The following M1AP variants were observed in gnomAD, a reference collection of about 807,000 sequenced individuals.
M1AP encodes meiosis 1 associated protein, also known as meiosis 1 arrest protein.
A neutral mutation model predicts 51.2 loss-of-function variants in M1AP; 39 were observed. The observed-to-expected ratio is 0.76, with a 90% confidence interval of 0.59 to 1.00. The LOEUF is 1.00. Among genes scored for constraint, M1AP ranks in the 50% least tolerant of loss-of-function variants. The pLI, the probability that M1AP is intolerant of heterozygous loss-of-function variation, is 0.00. For missense variants in M1AP, 545 were observed against 641.2 expected (o/e 0.85, Z 1.62); for synonymous variants, 251 against 249.2 (o/e 1.01, Z -0.07).
In M1AP at chr2:74,562,309, CCAG is replaced by C; in HGVS notation, c.1186_1188del (p.Leu396del). ...AGTTCCCGCGTGGCCACCGCCTTTACCAGCAGTGTGAGGGAGTGTGACGGCATG... is the reference window on the plus strand; with the variant it reads ...AGTTCCCGCGTGGCCACCGCCTTTACCAGTGTGAGGGAGTGTGACGGCATG... On this transcript the variant is annotated inframe_deletion, in exon 8 of 11. Coordinates refer to ENST00000421985, the MANE Select transcript of M1AP (RefSeq NM_001321739.2). The C allele has an allele frequency of 6.2e-7, 1 of 1,614,246 alleles. No homozygotes were observed. Among genetic ancestry groups the C allele is most frequent in the South Asian group, 1.1e-5 (1 of 91,090 alleles).
Position 74,607,057 on chromosome 2 carries a change from T to C in M1AP, c.593A>G (p.Asp198Gly). The change falls in exon 4 of 11, where the codon GAT (aspartate) becomes GGT (glycine). Residue 198 changes from aspartate to glycine, a missense_variant and splice_region_variant. Physicochemically the swap from Asp to Gly is moderately conservative, Grantham distance 94. Coordinates refer to ENST00000421985, the MANE Select transcript of M1AP (RefSeq NM_001321739.2). ...SASPVEDTSN[D>G]ESSILGTDID... Reference sequence around the variant, plus strand: ...TTACCTTGTTAAAAAATTCTTACCATCATTGCTGGTATCCTCAACAGGAGA... The same window carrying C: ...TTACCTTGTTAAAAAATTCTTACCACCATTGCTGGTATCCTCAACAGGAGA... 1 of 1,611,698 alleles carries C rather than the reference T, an allele frequency of 6.2e-7. No individual in the cohort carries two copies. The highest frequency in any genetic ancestry group is 1.1e-5 in the South Asian group (1 of 90,668).
intron 4 of M1AP, among the ~76,000 whole-genome samples, chr2:74,603,151 C>A (rs976732892): frequency 3.9e-5 from 6 of 152,094 alleles, no homozygotes; most frequent in African/African-American, 1.4e-4. Flanking sequence ...ATTCTGTGAC[C>A]AGGAAGGTGG....
At position 74,560,140 on chromosome 2, in the gene M1AP, G is replaced by A; in HGVS notation, c.1422+11C>T. On this transcript the variant is annotated intron_variant, in intron 9 of 10. Transcript: ENST00000421985. Reference sequence around the variant, plus strand: ...GAAGTAAGGAAGAGGAGGGAAGGAGGGGAGCGGTACCTTTCTCGGAGCTCG... The same window carrying A: ...GAAGTAAGGAAGAGGAGGGAAGGAGAGGAGCGGTACCTTTCTCGGAGCTCG... 3.1e-6 allele frequency: 5 copies of A among 1,613,256 alleles called. No individual in the cohort carries two copies. The highest frequency in any genetic ancestry group is 4.2e-6 in the Non-Finnish European group (5 of 1,179,862).
intron 4 of M1AP, among the ~76,000 whole-genome samples, chr2:74,595,296 T>G (rs1179651958): frequency 1.3e-5 from 2 of 151,556 alleles, no homozygotes; most frequent in Non-Finnish European, 2.9e-5. Context: ...ATTACAGGTA[T>G]AAGCCACCAT....
At chr2:74,589,155 G>A (rs1679892484) in intron 4 of M1AP, among the ~76,000 whole-genome samples, 1 of 152,232 alleles carries the variant, frequency 6.6e-6, no homozygotes. Flanking sequence ...AAACTTGAAT[G>A]ACGTGAAGTG....
intron 2 of M1AP, among the ~76,000 whole-genome samples, chr2:74,624,329 T>C (rs1356544198): frequency 6.6e-6 from 1 of 152,226 alleles, no homozygotes; most frequent in Non-Finnish European, 1.5e-5. Flanking sequence ...CCTAGAACAC[T>C]TGAGTATGGC....
intron 1 of M1AP, among the ~76,000 whole-genome samples, chr2:74,640,696 T>A (rs562582000): frequency 6.6e-6 from 1 of 152,048 alleles, no homozygotes; most frequent in South Asian, 2.1e-4. Context: ...GACCTCACGA[T>A]CCGCCCGCCT....
chr2:74,639,929 A>C, intron 2 of M1AP, 107 bp downstream of exon 2: 1 of 953,132 alleles, frequency 1.0e-6, no homozygotes. Flanking sequence ...TGTGTGGAGA[A>C]GTAGTGCGGT....
chr2:74,598,851 G>A (rs1680508103), intron 4 of M1AP, among the ~76,000 whole-genome samples: 1 of 151,654 alleles, frequency 6.6e-6, no homozygotes, highest in Non-Finnish European at 1.5e-5. Context: ...TGAACTCCTG[G>A]GCTCAAGTGA....
At chr2:74,587,318 C>T (rs373320656) in intron 4 of M1AP, among the ~76,000 whole-genome samples, 2 of 152,020 alleles carry the variant, frequency 1.3e-5, no homozygotes, top group South Asian at 4.2e-4. Context: ...CCTGCCTCAG[C>T]CTCCCGAGTA....
At chr2:74,623,054 T>A (rs1682161063) in intron 2 of M1AP, among the ~76,000 whole-genome samples, 1 of 150,580 alleles carries the variant, frequency 6.6e-6, no homozygotes, top group Admixed American at 6.6e-5. Flanking sequence ...ATAATCAGAA[T>A]AATCTTAATA....
intron 4 of M1AP, among the ~76,000 whole-genome samples, chr2:74,600,823 T>C (rs1680630486): frequency 6.6e-6 from 1 of 152,156 alleles, no homozygotes; most frequent in Non-Finnish European, 1.5e-5. Flanking sequence ...TGAGCAGCAA[T>C]GTGCAAAAAT....
intron 7 of M1AP, among the ~76,000 whole-genome samples, chr2:74,567,433 T>C (rs561685692): frequency 1.3e-5 from 2 of 152,354 alleles, no homozygotes; most frequent in South Asian, 2.1e-4. Flanking sequence ...ATAAATTTCA[T>C]GTAGCTGTAG....
At chr2:74,640,899 C>T (rs1450700115) in intron 1 of M1AP, among the ~76,000 whole-genome samples, 1 of 152,178 alleles carries the variant, frequency 6.6e-6, no homozygotes, top group Non-Finnish European at 1.5e-5. Flanking sequence ...AGCTATCTGC[C>T]CTCATAAACT....
intron 2 of M1AP, among the ~76,000 whole-genome samples, chr2:74,616,828 A>T (rs1165601234): frequency 6.6e-6 from 1 of 152,236 alleles, no homozygotes; most frequent in Non-Finnish European, 1.5e-5. Context: ...TCTTAATGGC[A>T]TGGACAAGCT....
chr2:74,613,968 G>A (rs1417121811), intron 3 of M1AP, among the ~76,000 whole-genome samples: 1 of 152,172 alleles, frequency 6.6e-6, no homozygotes, highest in Non-Finnish European at 1.5e-5. Flanking sequence ...TTTATTTTCT[G>A]TGGAGATGGA....
At chr2:74,614,751 G>A (rs1275402907) in intron 3 of M1AP, among the ~76,000 whole-genome samples, 1 of 152,102 alleles carries the variant, frequency 6.6e-6, no homozygotes, top group African/African-American at 2.4e-5. Flanking sequence ...TGTATTTTTA[G>A]AGCTCTTCTC....
At position 74,566,990 on chromosome 2, in the gene M1AP, C is replaced by G. The variant is rs74688935; in HGVS notation, c.1075-4567G>C. Reference sequence around the variant, plus strand: ...CATTTCTTTTTCTAGTTCACACAGACATGACTTTGTAATTGAAATGAGGAT... The same window carrying G: ...CATTTCTTTTTCTAGTTCACACAGAGATGACTTTGTAATTGAAATGAGGAT... On this transcript the variant is annotated intron_variant, in intron 7 of 10. Coordinates refer to ENST00000421985, the MANE Select transcript of M1AP (RefSeq NM_001321739.2). 1.9e-3 allele frequency among the ~76,000 whole-genome samples: 290 copies of G among 152,266 alleles called. 2 individuals carry two copies. Among genetic ancestry groups the G allele is most frequent in the Non-Finnish European group, 3.4e-3 (229 of 68,032 alleles).
chr2:74,618,992 T>C (rs1017010454), intron 2 of M1AP: 1 of 530,032 alleles, frequency 1.9e-6, no homozygotes, highest in African/African-American at 1.9e-5. Context: ...GGCCCTCATC[T>C]CTGCCTTCAT....
Sources: allele counts gnomAD v4.1 joint callset (sites outside exome capture counted in the v4.1 genomes callset), GRCh38; gene constraint gnomAD v4.1.1; transcripts MANE v1.5; gene names NCBI Gene and HGNC (gene_info 2026-07-23, HGNC 2026-07-21).